Variants in PTPN14 observed in about 807,000 individuals in gnomAD.
The protein encoded by PTPN14 is protein tyrosine phosphatase non-receptor type 14.
A neutral mutation model predicts 126.8 loss-of-function variants in PTPN14; 53 were observed. The observed-to-expected ratio is 0.42, with a 90% CI of 0.34 to 0.53. The LOEUF is 0.53. Among genes scored for constraint, PTPN14 ranks in the 20% least tolerant of loss-of-function variants. The pLI, the probability that PTPN14 is intolerant of heterozygous loss-of-function variation, is 0.08. For synonymous variants in PTPN14, 630 were observed against 599.3 expected (o/e 1.05, Z -0.75); for missense variants, 1,257 against 1,552.9 (o/e 0.81, Z 3.20).
intron 5 of PTPN14, among the ~76,000 whole-genome samples, chr1:214,404,173 T>C (rs1256543390): frequency 2.0e-5 from 3 of 152,184 alleles, no homozygotes; most frequent in Admixed American, 6.5e-5. Context: ...CTCAAATCAT[T>C]AAAATCTGAA....
At chr1:214,505,897 A>G (rs1654830636) in intron 1 of PTPN14, among the ~76,000 whole-genome samples, 1 of 152,074 alleles carries the variant, frequency 6.6e-6, no homozygotes, top group Admixed American at 6.5e-5. Context: ...CTTTGTCTCA[A>G]AAAAATCGAG....
intron 1 of PTPN14, among the ~76,000 whole-genome samples, chr1:214,503,334 ACTT>A (rs1479267362): frequency 6.6e-6 from 1 of 152,302 alleles, no homozygotes; most frequent in East Asian, 1.9e-4. Flanking sequence ...AAAGACGTTG[ACTT>A]CTTTTTTAGA....
At chr1:214,523,841 A>C (rs1172753013) in intron 1 of PTPN14, among the ~76,000 whole-genome samples, 1 of 148,544 alleles carries the variant, frequency 6.7e-6, no homozygotes, top group Admixed American at 6.8e-5. Flanking sequence ...ATTTGAGAGT[A>C]ATCAGATTCT....
intron 3 of PTPN14, among the ~76,000 whole-genome samples, chr1:214,422,634 G>A (rs556653973): frequency 5.9e-5 from 9 of 152,282 alleles, no homozygotes; most frequent in Admixed American, 6.5e-5. Context: ...AAACGGCCAC[G>A]TTCCCGGCTA....
intron 1 of PTPN14, among the ~76,000 whole-genome samples, chr1:214,501,289 T>C (rs1654688852): frequency 6.6e-6 from 1 of 152,180 alleles, no homozygotes; most frequent in South Asian, 2.1e-4. Context: ...TCGCCCAGAC[T>C]GCAGTCCAGT....
chr1:214,365,193 A>G (rs1019428093), intron 17 of PTPN14, among the ~76,000 whole-genome samples: 7 of 152,240 alleles, frequency 4.6e-5, no homozygotes, highest in African/African-American at 1.7e-4. Context: ...TTTGGGTTTT[A>G]AAGTAGACTT....
chr1:214,482,922 C>T, intron 1 of PTPN14: 1 of 1,599,186 alleles, frequency 6.3e-7, no homozygotes, highest in Admixed American at 1.7e-5. Context: ...GGCTGGAGCT[C>T]CCACTAAGCC....
Position 214,383,200 on chromosome 1 carries a change from A to G in PTPN14, c.2544+111T>C. The G allele has an allele frequency of 7.5e-7, 1 of 1,332,666 alleles. No homozygotes were observed. The highest frequency in any genetic ancestry group is 1.0e-6 in the Non-Finnish European group (1 of 972,364). 82.6% of individuals were successfully genotyped at this position (1,332,666 alleles called of 1,614,324 possible). Reference sequence around the variant, plus strand: ...ATAAAGTACTACCTTTTAAATGCTCAATGATTCCTTAAAAACCTACCACGT... The same window carrying G: ...ATAAAGTACTACCTTTTAAATGCTCGATGATTCCTTAAAAACCTACCACGT... On this transcript the variant is annotated intron_variant, in intron 13 of 18. Coordinates refer to ENST00000366956, the MANE Select transcript of PTPN14 (RefSeq NM_005401.5). This position sits in a 1 kb window ranked among gnomAD's most constrained non-coding sequence, Gnocchi z 4.4.
At chr1:214,388,047 G>C (rs1658663446) in intron 11 of PTPN14, among the ~76,000 whole-genome samples, 1 of 152,104 alleles carries the variant, frequency 6.6e-6, no homozygotes, top group South Asian at 2.1e-4. Flanking sequence ...TGGCTATTTA[G>C]ACTGAACCTG....
intron 1 of PTPN14, among the ~76,000 whole-genome samples, chr1:214,489,451 G>A (rs1284253424): frequency 6.6e-6 from 1 of 152,148 alleles, no homozygotes; most frequent in South Asian, 2.1e-4. Context: ...AAGCCTTTGA[G>A]TATTATTGCT....
At chr1:214,471,266 G>A (rs1041240457) in intron 1 of PTPN14, among the ~76,000 whole-genome samples, 4 of 152,042 alleles carry the variant, frequency 2.6e-5, no homozygotes, top group African/African-American at 4.8e-5. Flanking sequence ...ATACTCACTC[G>A]ACTGAAGTTG....
chr1:214,523,463 G>A (rs1655310272), intron 1 of PTPN14, among the ~76,000 whole-genome samples: 1 of 152,158 alleles, frequency 6.6e-6, no homozygotes, highest in Non-Finnish European at 1.5e-5. Context: ...ATTCAGTACA[G>A]TAACATGCTA....
chr1:214,451,286 G>A (rs563506078), intron 3 of PTPN14, among the ~76,000 whole-genome samples: 4 of 151,942 alleles, frequency 2.6e-5, no homozygotes, highest in Non-Finnish European at 5.9e-5. Context: ...TCAGTGTCCC[G>A]AGGAGCTGGA....
At chr1:214,441,756 T>C (rs1211389508) in intron 3 of PTPN14, among the ~76,000 whole-genome samples, 1 of 152,232 alleles carries the variant, frequency 6.6e-6, no homozygotes, top group African/African-American at 2.4e-5. Context: ...TTCTGTTGTT[T>C]TTCCCCCTTC....
intron 14 of PTPN14, 68 bp from the exon 15 acceptor site, chr1:214,376,505 T>C: frequency 7.5e-7 from 1 of 1,327,358 alleles, no homozygotes; most frequent in Non-Finnish European, 1.1e-6. Context: ...ACAACCAAAT[T>C]TCTTTAAATA....
At chr1:214,539,154 T>C (rs917117512) in intron 1 of PTPN14, among the ~76,000 whole-genome samples, 1 of 152,186 alleles carries the variant, frequency 6.6e-6, no homozygotes, top group African/African-American at 2.4e-5. Context: ...AGATGTTGAG[T>C]TTCTTAAAGA....
chr1:214,394,817 G>A (rs1262221933), intron 9 of PTPN14, 82 bp downstream of exon 9: 2 of 1,199,740 alleles, frequency 1.7e-6, no homozygotes, highest in South Asian at 1.2e-5. Flanking sequence ...AAGATAGGGA[G>A]AGCAAGGAAA....
At chr1:214,463,497 A>G (rs907170256) in intron 2 of PTPN14, among the ~76,000 whole-genome samples, 1 of 152,224 alleles carries the variant, frequency 6.6e-6, no homozygotes, top group Admixed American at 6.5e-5. Context: ...CACCAAGAAC[A>G]GCAGGAGACA....
chr1:214,423,072 C>A (rs977061839), intron 3 of PTPN14, among the ~76,000 whole-genome samples: 1 of 151,740 alleles, frequency 6.6e-6, no homozygotes. Flanking sequence ...GTGAGGAGAT[C>A]GCTTCAGCCC....
Sources: allele counts gnomAD v4.1 joint callset (sites outside exome capture counted in the v4.1 genomes callset), GRCh38; gene constraint gnomAD v4.1.1; non-coding constraint Gnocchi (gnomAD v3.1); transcripts MANE v1.5; gene names NCBI Gene and HGNC (gene_info 2026-07-23, HGNC 2026-07-21).